Variants in RANBP17 observed in about 807,000 individuals in gnomAD.
RANBP17 encodes the protein RAN binding protein 17, also known as ran-binding protein 17.
RANBP17 carries 158 observed loss-of-function variants against 141.2 expected under a neutral mutation model. The observed-to-expected ratio is 1.12, with a 90% confidence interval of 0.98 to 1.28. The LOEUF (loss-of-function observed/expected upper bound fraction) is 1.28, where lower values mean the gene tolerates loss of function less well. Among genes scored for constraint, RANBP17 ranks in the 50% most tolerant of loss-of-function variants. The pLI, the probability that RANBP17 is intolerant of heterozygous loss-of-function variation, is 0.00. For missense variants in RANBP17, 1,438 were observed against 1,290.7 expected, an observed-to-expected ratio of 1.11 and a Z score of -1.75; for synonymous variants, 430 against 450.0, an observed-to-expected ratio of 0.96 and a Z score of 0.56.
intron 1 of RANBP17, among the ~76,000 whole-genome samples, chr5:170,872,882 C>T (rs1402415641): frequency 2.0e-5 from 3 of 152,082 alleles, no homozygotes; most frequent in African/African-American, 7.2e-5. Flanking sequence ...GGGATGAAGT[C>T]GACTTGATTG....
intron 24 of RANBP17, among the ~76,000 whole-genome samples, chr5:171,258,374 T>C (rs1766063806): frequency 6.6e-6 from 1 of 152,136 alleles, no homozygotes; most frequent in Non-Finnish European, 1.5e-5. Context: ...CAGAATTTTT[T>C]TTTAAATCCT....
chr5:170,884,029 A>G (rs1768945875), intron 3 of RANBP17, among the ~76,000 whole-genome samples: 1 of 152,174 alleles, frequency 6.6e-6, no homozygotes, highest in Admixed American at 6.5e-5. Context: ...AAACCACCAC[A>G]CTGTCTTTCA....
chr5:171,295,184 G>A (rs529853954), intron 26 of RANBP17, among the ~76,000 whole-genome samples: 2 of 152,146 alleles, frequency 1.3e-5, no homozygotes, highest in South Asian at 4.1e-4. Context: ...CTGAAATTAG[G>A]CTGTTTCCAA....
At chr5:171,136,305 A>G (rs1445339262) in intron 14 of RANBP17, among the ~76,000 whole-genome samples, 1 of 152,196 alleles carries the variant, frequency 6.6e-6, no homozygotes, top group South Asian at 2.1e-4. Context: ...CAAGATACCC[A>G]AGAATATCAA....
rs1763699201 is a variant in RANBP17 at position 171,223,534 on chromosome 5, C to G, written c.2422+1694C>G. 2.6e-5 allele frequency among the ~76,000 whole-genome samples: 4 copies of G among 152,230 alleles called. No homozygotes were observed. In the South Asian group the frequency reaches 8.3e-4, roughly 32 times the overall value. ...CCTGTAATCCCAGCTACTCAGGAGG[C>G]TGAGGCAGGAGGATCGTTTGAACCC... is the stretch of plus-strand genomic sequence containing the variant. On this transcript the variant is annotated intron_variant, in intron 22 of 27. Transcript: ENST00000523189.
chr5:171,006,001 A>G (rs1306375749), intron 14 of RANBP17, among the ~76,000 whole-genome samples: 1 of 152,238 alleles, frequency 6.6e-6, no homozygotes, highest in East Asian at 1.9e-4. Context: ...AAAAATGCTC[A>G]TCATCACTGG....
intron 5 of RANBP17, among the ~76,000 whole-genome samples, chr5:170,899,370 T>C (rs1195398824): frequency 6.6e-6 from 1 of 152,362 alleles, no homozygotes; most frequent in Non-Finnish European, 1.5e-5. Context: ...ATTGATTTTG[T>C]ATCTGAGACT....
intron 26 of RANBP17, among the ~76,000 whole-genome samples, chr5:171,295,686 G>C (rs913371324): frequency 3.3e-5 from 5 of 152,114 alleles, no homozygotes; most frequent in Non-Finnish European, 5.9e-5. Flanking sequence ...TTTATGGAAG[G>C]CATCATAGAA....
At chr5:171,187,407 G>T (rs778430862) in intron 18 of RANBP17, among the ~76,000 whole-genome samples, 1 of 151,464 alleles carries the variant, frequency 6.6e-6, no homozygotes, top group Non-Finnish European at 1.5e-5. Context: ...CAATAGAATT[G>T]TTCGACTCAG....
At chr5:171,141,768 A>AGT (rs1201981373) in intron 14 of RANBP17, among the ~76,000 whole-genome samples, 3 of 152,148 alleles carry the variant, frequency 2.0e-5, no homozygotes, top group Admixed American at 6.5e-5. Flanking sequence ...GCTACTGCCA[A>AGT]CATTCAACTA....
chr5:171,030,657 A>C (rs1461801024), intron 14 of RANBP17, among the ~76,000 whole-genome samples: 1 of 152,002 alleles, frequency 6.6e-6, no homozygotes, highest in African/African-American at 2.4e-5. Flanking sequence ...AAGTAATTTA[A>C]ATATTTAGAA....
chr5:171,089,245 G>C lies in RANBP17; in HGVS notation c.1711-80885G>C, dbSNP rs575484461. 8.4e-5 allele frequency among the ~76,000 whole-genome samples: 9 copies of C among 107,112 alleles called. 1 individual carries two copies. Among genetic ancestry groups the C allele is most frequent in the Admixed American group, 3.7e-4 (4 of 10,668 alleles). The allele number at this position is 107,112 out of a possible 152,430, so 70.3% of individuals were successfully genotyped here. A position where few individuals can be genotyped will look rare whatever the true frequency, so the allele number is the denominator to read the frequency against. On this transcript the variant is annotated intron_variant, in intron 14 of 27. Transcript: ENST00000523189. ...GTGAGGTGTCAGTGTGCCCCTGCTG[G>C]GGGGGGCCTCCCAGTTAGGCTGCTC...
rs540128987 is a variant in RANBP17, at chr5:171,011,286, T to C, written c.1710+42909T>C. On this transcript the variant is annotated intron_variant, in intron 14 of 27. Transcript: ENST00000523189. The stretch of plus-strand genomic sequence containing the variant: ...CATCACATAAGAATGTGAATAAATA[T>C]TGATGTTATTATCCAATTTATTATC... Among the ~76,000 whole-genome samples, 11 of 152,180 alleles carry C rather than the reference T, an allele frequency of 7.2e-5. No homozygotes were observed. The East Asian group carries it at 1.2e-3, about 16-fold the overall frequency.
chr5:171,207,680 A>G (rs1762656106), intron 20 of RANBP17: 1 of 152,178 alleles, frequency 6.6e-6, no homozygotes. Flanking sequence ...ATTGAGTTTC[A>G]GTAGCAAATC....
rs184219555 is a variant in RANBP17 at position 170,947,770 on chromosome 5, C to T, written c.1469-5827C>T. 3.1e-4 allele frequency among the ~76,000 whole-genome samples: 47 copies of T among 152,086 alleles called. No homozygotes were observed. The East Asian group carries it at 4.4e-3, about 14-fold the overall frequency. On this transcript the variant is annotated intron_variant, in intron 12 of 27. Coordinates refer to ENST00000523189, the MANE Select transcript of RANBP17 (RefSeq NM_022897.5). ...GTTCAATCTCTCCAGATGGCTAGTTCGGGCCTCCTAATAGTATAATGGTCT... is the reference window on the plus strand; with the variant it reads ...GTTCAATCTCTCCAGATGGCTAGTTTGGGCCTCCTAATAGTATAATGGTCT...
intron 25 of RANBP17, among the ~76,000 whole-genome samples, chr5:171,280,243 C>T (rs1458159291): frequency 2.6e-5 from 4 of 152,054 alleles, no homozygotes; most frequent in African/African-American, 4.8e-5. Context: ...TCTCTTAACT[C>T]ATGGAAAGTT....
At chr5:170,969,887 A>C (rs1163246520) in intron 14 of RANBP17, among the ~76,000 whole-genome samples, 1 of 151,980 alleles carries the variant, frequency 6.6e-6, no homozygotes, top group Non-Finnish European at 1.5e-5. Flanking sequence ...TGTGTATCTT[A>C]CCCTATTAAA....
At chr5:171,027,283 A>T (rs1781293126) in intron 14 of RANBP17, among the ~76,000 whole-genome samples, 1 of 152,218 alleles carries the variant, frequency 6.6e-6, no homozygotes, top group Non-Finnish European at 1.5e-5. Flanking sequence ...ATTGTTAAAG[A>T]TTCAGCTACT....
chr5:171,293,818 A>G (rs909731588), intron 25 of RANBP17, 65 bp from the exon 26 acceptor site: 2 of 1,187,976 alleles, frequency 1.7e-6, no homozygotes, highest in Non-Finnish European at 2.5e-6. Context: ...AGCACATGAA[A>G]GGCCTGGGAT....
Sources: allele counts gnomAD v4.1 joint callset (sites outside exome capture counted in the v4.1 genomes callset), GRCh38; gene constraint gnomAD v4.1.1; transcripts MANE v1.5; gene names NCBI Gene and HGNC (gene_info 2026-07-23, HGNC 2026-07-21).